The following WWOX variants were observed in gnomAD, a reference collection of about 807,000 sequenced individuals.
WWOX encodes the protein WW domain-containing oxidoreductase.
Under a neutral mutation model 46.2 loss-of-function variants are expected in WWOX, and 69 were observed. That is an observed-to-expected ratio of 1.49 (90% CI 1.23 to 1.82). The LOEUF (loss-of-function observed/expected upper bound fraction) is 1.82, where lower values mean the gene tolerates loss of function less well. Ranked by LOEUF, WWOX falls within the 40% of genes most tolerant of loss-of-function variation. WWOX has a pLI of 0.00. For missense variants in WWOX, 919 were observed against 542.6 expected, an observed-to-expected ratio of 1.69 and a Z score of -6.89; for synonymous variants, 359 against 202.6, an observed-to-expected ratio of 1.77 and a Z score of -6.56.
At chr16:79,175,822 C>G (rs901875623) in intron 8 of WWOX, among the ~76,000 whole-genome samples, 1 of 152,142 alleles carries the variant, frequency 6.6e-6, no homozygotes, top group Non-Finnish European at 1.5e-5. Context: ...TTGTCTCACT[C>G]CTTCCTCCCA....
At chr16:78,846,113 A>G (rs891844932) in intron 8 of WWOX, among the ~76,000 whole-genome samples, 4 of 152,166 alleles carry the variant, frequency 2.6e-5, no homozygotes, top group Admixed American at 6.5e-5. Flanking sequence ...GACCTTGGGA[A>G]AGGTTGGTTG....
intron 8 of WWOX, among the ~76,000 whole-genome samples, chr16:78,889,535 C>G (rs553214643): frequency 6.6e-6 from 1 of 152,116 alleles, no homozygotes; most frequent in Admixed American, 6.5e-5. Flanking sequence ...TATACGACAG[C>G]CATAAGTATT....
At chr16:79,140,001 TC>T (rs768040107) in intron 8 of WWOX, among the ~76,000 whole-genome samples, 4 of 152,176 alleles carry the variant, frequency 2.6e-5, no homozygotes, top group Non-Finnish European at 5.9e-5. Context: ...CGACCACAGT[TC>T]CAGCTGAGCT....
intron 8 of WWOX, among the ~76,000 whole-genome samples, chr16:78,510,844 A>G (rs2085343921): frequency 6.6e-6 from 1 of 152,162 alleles, no homozygotes; most frequent in African/African-American, 2.4e-5. Context: ...GCTAACTTTC[A>G]AGGATGTTTG....
At chr16:78,521,963 C>T (rs1428647370) in intron 8 of WWOX, among the ~76,000 whole-genome samples, 2 of 151,996 alleles carry the variant, frequency 1.3e-5, no homozygotes, top group East Asian at 3.9e-4. Context: ...TTGAAGCTCA[C>T]AGCAGGCCCA....
chr16:78,828,890 A>G (rs188461866), intron 8 of WWOX, among the ~76,000 whole-genome samples: 10 of 152,324 alleles, frequency 6.6e-5, no homozygotes, highest in African/African-American at 2.2e-4. Context: ...TAATCCTAAA[A>G]TGTAGATGTA....
chr16:78,946,291 G>A (rs1244439178), intron 8 of WWOX, among the ~76,000 whole-genome samples: 2 of 152,060 alleles, frequency 1.3e-5, no homozygotes, highest in Non-Finnish European at 2.9e-5. Context: ...CCCGGCTCCA[G>A]TGATTCTCCT....
At chr16:78,726,319 G>A (rs530584142) in intron 8 of WWOX, among the ~76,000 whole-genome samples, 1 of 151,624 alleles carries the variant, frequency 6.6e-6, no homozygotes, top group African/African-American at 2.4e-5. Flanking sequence ...CAACCTCCTG[G>A]GGTCAAGTGA....
intron 8 of WWOX, among the ~76,000 whole-genome samples, chr16:78,717,132 C>T (rs914530356): frequency 6.6e-6 from 1 of 152,180 alleles, no homozygotes; most frequent in Non-Finnish European, 1.5e-5. Context: ...TCCCTGAGAA[C>T]AGAGGTGCTC....
chr16:79,121,580 A>C (rs556560014), intron 8 of WWOX, among the ~76,000 whole-genome samples: 1 of 152,270 alleles, frequency 6.6e-6, no homozygotes, highest in African/African-American at 2.4e-5. Context: ...GAATAACAAG[A>C]GACCGTGCTG....
intron 8 of WWOX, among the ~76,000 whole-genome samples, chr16:79,072,618 A>C (rs540073510): frequency 6.6e-6 from 1 of 152,270 alleles, no homozygotes; most frequent in African/African-American, 2.4e-5. Context: ...ATCATTATCG[A>C]AGCTATAATT....
At position 78,651,824 on chromosome 16, in the gene WWOX, T is replaced by C. The variant is rs147877274; in HGVS notation, c.1056+219072T>C. Among the ~76,000 whole-genome samples, 399 of 152,306 alleles carry C rather than the reference T, an allele frequency of 2.6e-3. 1 individual carries two copies. The highest frequency in any genetic ancestry group is 8.4e-3 in the African/African-American group (349 of 41,566). ...ATCTGGCTTCTAACAAACTGATTGG[T>C]TGGACTCATGCCTTATTCTTTCGGA... On this transcript the variant is annotated intron_variant, in intron 8 of 8. Transcript: ENST00000566780.
intron 8 of WWOX, among the ~76,000 whole-genome samples, chr16:78,667,957 G>T (rs779280143): frequency 6.6e-6 from 1 of 152,034 alleles, no homozygotes; most frequent in Non-Finnish European, 1.5e-5. Flanking sequence ...CTCAGCCAAA[G>T]CTCTTCTTAA....
chr16:78,323,139 G>T (rs993717849), intron 5 of WWOX, among the ~76,000 whole-genome samples: 38 of 151,990 alleles, frequency 2.5e-4, no homozygotes, highest in African/African-American at 9.2e-4. Flanking sequence ...ACGGAGTCTT[G>T]CTCTGTTGCC....
At chr16:79,023,292 G>T (rs16949257) in intron 8 of WWOX, among the ~76,000 whole-genome samples, 12,211 of 152,258 alleles carry the variant, frequency 0.08, 787 homozygotes, top group African/African-American at 0.17. Context: ...GCATGTCTCT[G>T]TTGAATTCAG....
In WWOX at chr16:79,211,990, T is replaced by A. The variant is rs773715562; in HGVS notation, c.*194T>A. 2 of 1,536,126 alleles carry A rather than the reference T, an allele frequency of 1.3e-6. No homozygotes were observed. The highest frequency in any genetic ancestry group is 2.4e-5 in the South Asian group (2 of 84,066). ...GGAATTCCTGGGGTAAAGTATCACTTTTCTGGGGCTGGGCTAGGCATAGGT... is the reference window on the plus strand; with the variant it reads ...GGAATTCCTGGGGTAAAGTATCACTATTCTGGGGCTGGGCTAGGCATAGGT... On this transcript the variant is annotated 3_prime_UTR_variant, in exon 9 of 9. Coordinates refer to ENST00000566780, the MANE Select transcript of WWOX (RefSeq NM_016373.4).
chr16:79,162,639 C>T (rs2050509388), intron 8 of WWOX, among the ~76,000 whole-genome samples: 1 of 152,160 alleles, frequency 6.6e-6, no homozygotes, highest in African/African-American at 2.4e-5. Flanking sequence ...GCCCTTGGAC[C>T]ATGTCTTCTG....
intron 8 of WWOX, among the ~76,000 whole-genome samples, chr16:78,958,210 C>G (rs953882019): frequency 6.6e-6 from 1 of 152,202 alleles, no homozygotes; most frequent in Non-Finnish European, 1.5e-5. Context: ...CTTAAACACT[C>G]AGCTCCAGCT....
chr16:78,300,129 G>A (rs2151866385), intron 5 of WWOX, among the ~76,000 whole-genome samples: 2 of 152,290 alleles, frequency 1.3e-5, no homozygotes, highest in South Asian at 4.1e-4. Context: ...ACAGAATCAT[G>A]AAGTCTGTTC....
Sources: allele counts gnomAD v4.1 joint callset (sites outside exome capture counted in the v4.1 genomes callset), GRCh38; gene constraint gnomAD v4.1.1; transcripts MANE v1.5; gene names NCBI Gene and HGNC (gene_info 2026-07-23, HGNC 2026-07-21).